The following LOX variants were observed in gnomAD, a reference collection of about 807,000 sequenced individuals.
The protein encoded by LOX is lysyl oxidase, also known as protein-lysine 6-oxidase.
In LOX, 12 loss-of-function variants were observed where a neutral mutation model predicts 50.5. The ratio of observed to expected loss-of-function variants is 0.24; its 90% CI spans 0.15 to 0.38. The LOEUF is 0.38. Among genes scored for constraint, LOX ranks in the 10% least tolerant of loss-of-function variants. The pLI is 1.00. For missense variants in LOX, 504 were observed against 563.8 expected, an observed-to-expected ratio of 0.89 and a Z score of 1.07; for synonymous variants, 254 against 230.6, an observed-to-expected ratio of 1.10 and a Z score of -0.92.
Position 122,077,600 on chromosome 5 carries a change from T to C in LOX, c.386A>G (p.Tyr129Cys). Residue 129 changes from tyrosine to cysteine, a missense_variant, in exon 1 of 7, where the codon TAC (tyrosine) becomes TGC (cysteine). Around this residue, in one of 2 missense-constraint regions of LOX, gnomAD observed 398 missense variants for 365.8 expected, o/e 1.09. Coordinates refer to ENST00000231004, the MANE Select transcript of LOX (RefSeq NM_002317.7). This position sits in a 1 kb window ranked among gnomAD's most constrained non-coding sequence, Gnocchi z 4.9. ...AGCTTCGCGGGCTCTAGATGTCGAG[T>C]AGCCAGCTTGGAACCAGTGACGGGC... ...PTARHWFQAG[Y>C]STSRAREAGA... 6.2e-7 allele frequency: 1 copy of C among 1,612,420 alleles called. No individual in the cohort carries two copies. Among genetic ancestry groups the C allele is most frequent in the Non-Finnish European group, 8.5e-7 (1 of 1,179,750 alleles).
rs1754661158 is a variant in LOX, at chr5:122,077,118, G to A, written c.632-117C>T. The A allele has an allele frequency of 2.0e-6, 3 of 1,496,326 alleles. No individual in the cohort carries two copies. The highest frequency in any genetic ancestry group is 2.3e-5 in the Admixed American group (1 of 44,098). 92.7% of individuals were successfully genotyped at this position (1,496,326 alleles called of 1,614,324 possible). A position where few individuals can be genotyped will look rare whatever the true frequency, so the allele number is the denominator to read the frequency against. On this transcript the variant is annotated intron_variant, in intron 1 of 6. Transcript: ENST00000231004. This position sits in a 1 kb window ranked among gnomAD's most constrained non-coding sequence, Gnocchi z 4.9. Reference sequence around the variant, plus strand: ...CTTCGCCCACCGGGACTGCAGAGTGGAGCGGAGGACAGCAAGAGAACTGGG... The same window carrying A: ...CTTCGCCCACCGGGACTGCAGAGTGAAGCGGAGGACAGCAAGAGAACTGGG...
chr5:122,078,003 T>C lies in LOX; in HGVS notation c.-18A>G. ...AAGCGCATCACTCCTTTTGCCAGATTGACCCCGCTCGAGGAGGACGTGGCT... is the reference window on the plus strand; with the variant it reads ...AAGCGCATCACTCCTTTTGCCAGATCGACCCCGCTCGAGGAGGACGTGGCT... On this transcript the variant is annotated 5_prime_UTR_variant, in exon 1 of 7. Transcript: ENST00000231004. 1 of 1,441,080 alleles carries C rather than the reference T, an allele frequency of 6.9e-7. No homozygotes were observed. Among genetic ancestry groups the C allele is most frequent in the Non-Finnish European group, 9.1e-7 (1 of 1,098,694 alleles). 89.3% of individuals were successfully genotyped at this position (1,441,080 alleles called of 1,614,324 possible).
rs1253509224 is a variant in LOX, at chr5:122,065,477, A to G, written c.*1266T>C. On this transcript the variant is annotated 3_prime_UTR_variant, in exon 7 of 7. Transcript: ENST00000231004. Reference sequence around the variant, plus strand: ...ATTCTATTATGGCACATGGTTTCACAGTTTCAAATGAAATCACAGCTGTCT... The same window carrying G: ...ATTCTATTATGGCACATGGTTTCACGGTTTCAAATGAAATCACAGCTGTCT... 6.6e-6 allele frequency: 1 copy of G among 152,098 alleles called. No homozygotes were observed. The highest frequency in any genetic ancestry group is 1.5e-5 in the Non-Finnish European group (1 of 67,994). 9.4% of individuals were successfully genotyped at this position (152,098 alleles called of 1,614,324 possible). A position where few individuals can be genotyped will look rare whatever the true frequency, so the allele number is the denominator to read the frequency against.
In LOX at chr5:122,074,021, G is replaced by T; in HGVS notation, c.1027C>A (p.His343Asn). The T allele has an allele frequency of 1.2e-6, 2 of 1,613,856 alleles. No homozygotes were observed. The highest frequency in any genetic ancestry group is 1.3e-5 in the African/African-American group (1 of 75,056). Residue 343 changes from histidine to asparagine, a missense_variant, in exon 4 of 7, where the codon CAC becomes AAC. Physicochemically the swap from His to Asn is moderately conservative, Grantham distance 68. Transcript: ENST00000231004. ...GYHRRFACTA[H>N]TQGLSPGCYD... is the part of the protein sequence containing the mutation. ...TCAGGGTGCCAACATACCTGTGTGTGTGCAGTACATGCAAATCGCCTGTGG... is the reference window on the plus strand; with the variant it reads ...TCAGGGTGCCAACATACCTGTGTGTTTGCAGTACATGCAAATCGCCTGTGG...
Position 122,077,101 on chromosome 5 carries a change from A to T in LOX, c.632-100T>A. 2 of 1,525,326 alleles carry T rather than the reference A, an allele frequency of 1.3e-6. No individual in the cohort carries two copies. The highest frequency in any genetic ancestry group is 2.3e-5 in the East Asian group (1 of 43,010). The allele number at this position is 1,525,326 out of a possible 1,614,324, so 94.5% of individuals were successfully genotyped here. On this transcript the variant is annotated intron_variant, in intron 1 of 6. Transcript: ENST00000231004. The surrounding 1 kb of genome is among the most constrained non-coding windows in gnomAD (Gnocchi z 4.9). ...GTCCCTTACTCCTCACCCTTCGCCCACCGGGACTGCAGAGTGGAGCGGAGG... is the reference window on the plus strand; with the variant it reads ...GTCCCTTACTCCTCACCCTTCGCCCTCCGGGACTGCAGAGTGGAGCGGAGG...
chr5:122,065,621 A>G lies in LOX; in HGVS notation c.*1122T>C, dbSNP rs1377232384. On this transcript the variant is annotated 3_prime_UTR_variant, in exon 7 of 7. Transcript: ENST00000231004. ...TAGACTATATCTCAGACACACACACATGTGTGACTGATTCCTGAATAACCC... is the reference window on the plus strand; with the variant it reads ...TAGACTATATCTCAGACACACACACGTGTGTGACTGATTCCTGAATAACCC... The G allele has an allele frequency of 2.0e-5, 3 of 152,002 alleles. No individual in the cohort carries two copies. In the East Asian group the frequency reaches 5.8e-4, roughly 29 times the overall value. 9.4% of individuals were successfully genotyped at this position (152,002 alleles called of 1,614,324 possible).
In LOX at chr5:122,077,069, C is replaced by T; in HGVS notation, c.632-68G>A. 6.3e-7 allele frequency: 1 copy of T among 1,584,740 alleles called. No homozygotes were observed. ...GCGCCCCCCGCTCCAACTCCCTACCCCTCTAGGTCCCTTACTCCTCACCCT... is the reference window on the plus strand; with the variant it reads ...GCGCCCCCCGCTCCAACTCCCTACCTCTCTAGGTCCCTTACTCCTCACCCT... On this transcript the variant is annotated intron_variant, in intron 1 of 6. Transcript: ENST00000231004. This position sits in a 1 kb window ranked among gnomAD's most constrained non-coding sequence, Gnocchi z 4.9.
At chr5:122,071,193 ATGTG>A (rs35544795) in intron 4 of LOX, among the ~76,000 whole-genome samples, 21,930 of 149,778 alleles carry the variant, frequency 0.15, 1,698 homozygotes, top group Admixed American at 0.17. Context: ...AAACATTTAT[ATGTG>A]TGTGTGTGTG....
In LOX at chr5:122,078,208, C is replaced by T. The variant is rs1754698855; in HGVS notation, c.-223G>A. On this transcript the variant is annotated 5_prime_UTR_variant, in exon 1 of 7. Transcript: ENST00000231004. Reference sequence around the variant, plus strand: ...ACCCTTCCCTTTCCCCTTTCTCAGTCCTGGAAGGCAACGGGGAGCGGCGCG... The same window carrying T: ...ACCCTTCCCTTTCCCCTTTCTCAGTTCTGGAAGGCAACGGGGAGCGGCGCG... The T allele has an allele frequency of 2.3e-6, 1 of 429,858 alleles. No homozygotes were observed. Among genetic ancestry groups the T allele is most frequent in the South Asian group, 8.1e-5 (1 of 12,406 alleles). 26.6% of individuals were successfully genotyped at this position (429,858 alleles called of 1,614,324 possible).
intron 2 of LOX, among the ~76,000 whole-genome samples, chr5:122,076,387 C>CT (rs1413098397): frequency 6.6e-6 from 1 of 152,172 alleles, no homozygotes; most frequent in Non-Finnish European, 1.5e-5. Flanking sequence ...AAAAACAAAG[C>CT]TCTTGCTCAC....
chr5:122,075,579 G>A, intron 2 of LOX, 38 bp from the exon 3 acceptor site: 3 of 1,389,102 alleles, frequency 2.2e-6, no homozygotes, highest in Non-Finnish European at 2.9e-6. Flanking sequence ...TATATTCATG[G>A]AATATTAACT....
chr5:122,068,597 C>A (rs1011452932), intron 6 of LOX, among the ~76,000 whole-genome samples: 1 of 152,106 alleles, frequency 6.6e-6, no homozygotes, highest in Non-Finnish European at 1.5e-5. Flanking sequence ...CAGACCTGTA[C>A]CTGACAATGG....
intron 2 of LOX, 69 bp downstream of exon 2, chr5:122,076,824 A>G: frequency 7.2e-7 from 1 of 1,387,528 alleles, no homozygotes; most frequent in Non-Finnish European, 1.0e-6. Context: ...AGTAGCAGTC[A>G]GAACCAGGCA....
At chr5:122,075,359 A>G (rs771443685) in intron 3 of LOX, 45 bp downstream of exon 3, 7 of 1,527,018 alleles carry the variant, frequency 4.6e-6, no homozygotes, top group Non-Finnish European at 6.2e-6. Context: ...ATCACCTGAG[A>G]AATGAAAAGC....
chr5:122,076,748 T>C, intron 2 of LOX, 145 bp downstream of exon 2: 1 of 642,354 alleles, frequency 1.6e-6, no homozygotes, highest in Non-Finnish European at 2.7e-6. Flanking sequence ...CAGGTCAGCA[T>C]GCCCAGGAGG....
chr5:122,077,185 G>T lies in LOX; in HGVS notation c.631+170C>A. 6.8e-7 allele frequency: 1 copy of T among 1,466,160 alleles called. No homozygotes were observed. The allele number at this position is 1,466,160 out of a possible 1,614,324, so 90.8% of individuals were successfully genotyped here. A position where few individuals can be genotyped will look rare whatever the true frequency, so the allele number is the denominator to read the frequency against. On this transcript the variant is annotated intron_variant, in intron 1 of 6. Transcript: ENST00000231004. This position sits in a 1 kb window ranked among gnomAD's most constrained non-coding sequence, Gnocchi z 4.9. ...AAGCAATGTGAAAAGGAAGCAGGAG[G>T]GGCCAGACGCGCGGTTTGCACTGGA...
rs1215691533 is a variant in LOX at position 122,076,660 on chromosome 5, G to A, written c.740+233C>T. On this transcript the variant is annotated intron_variant, in intron 2 of 6. Transcript: ENST00000231004. ...GAGACTTTCAGTCTCCAGGATAAGGGTTTCCTCCACCTCTGTGATTCCTGC... is the reference window on the plus strand; with the variant it reads ...GAGACTTTCAGTCTCCAGGATAAGGATTTCCTCCACCTCTGTGATTCCTGC... Among the ~76,000 whole-genome samples the A allele has an allele frequency of 2.0e-5, 3 of 152,158 alleles. No homozygotes were observed. In the East Asian group the frequency reaches 5.8e-4, roughly 29 times the overall value.
rs1463686675 is a variant in LOX, at chr5:122,070,514, GT to G, written c.1110del (p.Lys370AsnfsTer7). The G allele has an allele frequency of 6.2e-7, 1 of 1,602,780 alleles. No individual in the cohort carries two copies. The highest frequency in any genetic ancestry group is 1.1e-5 in the South Asian group (1 of 90,142). ...DCQWIDITDV[K>X]PGNYILKVSV... is the part of the protein sequence containing the mutation. The stretch of plus-strand genomic sequence containing the variant: ...TTTACCTTTAGGATATAGTTTCCAG[GT>G]TTTACATCTGTAATATCAATCCACT... On this transcript the variant is annotated frameshift_variant, in exon 5 of 7. Coordinates refer to ENST00000231004, the MANE Select transcript of LOX (RefSeq NM_002317.7). LOFTEE classifies it high-confidence loss of function.
intron 4 of LOX, among the ~76,000 whole-genome samples, chr5:122,072,690 C>T (rs1466477159): frequency 4.6e-5 from 7 of 151,876 alleles, no homozygotes; most frequent in African/African-American, 1.2e-4. Context: ...ATATATAAAT[C>T]GCTCAATGCA....
Sources: gnomAD v4.1 joint callset for allele counts (sites outside exome capture counted in the v4.1 genomes callset) on GRCh38, gnomAD v4.1.1 for gene constraint, gnomAD v4.1.1 regional missense constraint, Gnocchi (gnomAD v3.1) non-coding constraint, MANE v1.5 for transcripts, NCBI Gene and HGNC (gene_info 2026-07-23, HGNC 2026-07-21) for gene names.